Variants in PEX14 observed in about 807,000 individuals in gnomAD.
PEX14 encodes peroxisomal membrane protein PEX14.
PEX14 carries 15 observed loss-of-function variants against 49.5 expected under a neutral mutation model. The observed-to-expected ratio is 0.30, with a 90% CI of 0.20 to 0.47. The LOEUF is 0.47. PEX14 is among the 20% of genes least tolerant of loss of function. The pLI is 1.00. For missense variants in PEX14, 398 were observed against 494.8 expected (o/e 0.80, Z 1.86); for synonymous variants, 210 against 212.7 (o/e 0.99, Z 0.11).
intron 2 of PEX14, among the ~76,000 whole-genome samples, chr1:10,526,958 A>G (rs555220450): frequency 6.6e-6 from 1 of 152,124 alleles, no homozygotes; most frequent in African/African-American, 2.4e-5. Context: ...CACACCTGTA[A>G]ATCCCAGCAC....
chr1:10,615,040 G>A lies in PEX14; in HGVS notation c.299-3292G>A, dbSNP rs284240. 1.1e-4 allele frequency among the ~76,000 whole-genome samples: 17 copies of A among 152,270 alleles called. No homozygotes were observed. The South Asian group carries it at 1.2e-3, about 11-fold the overall frequency. ...TGTATAACGAGAGGTGATTTGTGTC[G>A]GGTGGGGGTGTCCACCATCAGTGAA... is the stretch of plus-strand genomic sequence containing the variant. On this transcript the variant is annotated intron_variant, in intron 4 of 8. Transcript: ENST00000356607.
chr1:10,610,112 G>A (rs920685741), intron 4 of PEX14, among the ~76,000 whole-genome samples: 2 of 147,584 alleles, frequency 1.4e-5, no homozygotes, highest in Non-Finnish European at 3.0e-5. Flanking sequence ...GTAAATATAT[G>A]TAATATATAT....
At chr1:10,576,472 AT>A (rs1476769331) in intron 3 of PEX14, among the ~76,000 whole-genome samples, 1 of 152,204 alleles carries the variant, frequency 6.6e-6, no homozygotes, top group Non-Finnish European at 1.5e-5. Context: ...TGAACCAGTG[AT>A]TTAAATATTC....
rs1171122210 is a variant in PEX14, at chr1:10,539,144, C to T, written c.169+2847C>T. On this transcript the variant is annotated intron_variant, in intron 3 of 8. Transcript: ENST00000356607. The surrounding 1 kb of genome is among the most constrained non-coding windows in gnomAD (Gnocchi z 4.6). Reference sequence around the variant, plus strand: ...CTGGGAGCAGGGGCTGCATCCTGTCCGTGTTACCGACTGGTTAAGTGTTGT... The same window carrying T: ...CTGGGAGCAGGGGCTGCATCCTGTCTGTGTTACCGACTGGTTAAGTGTTGT... Among the ~76,000 whole-genome samples, 1 of 152,072 alleles carries T rather than the reference C, an allele frequency of 6.6e-6. No homozygotes were observed. The highest frequency in any genetic ancestry group is 1.9e-4 in the East Asian group (1 of 5,192).
In PEX14 at chr1:10,514,567, T is replaced by C. The variant is rs982130928; in HGVS notation, c.84+19246T>C. Among the ~76,000 whole-genome samples the C allele has an allele frequency of 5.3e-5, 8 of 152,120 alleles. No homozygotes were observed. The highest frequency in any genetic ancestry group is 1.0e-4 in the Non-Finnish European group (7 of 68,026). On this transcript the variant is annotated intron_variant, in intron 2 of 8. Transcript: ENST00000356607. The surrounding 1 kb of genome is among the most constrained non-coding windows in gnomAD (Gnocchi z 4.4). ...TAAGACGCAACTCAAGGGAAAGCCA[T>C]TGGGGAATGCTCAGTTGGGATTGAA...
intron 3 of PEX14, among the ~76,000 whole-genome samples, chr1:10,537,344 C>CCCCA (rs1553187440): frequency 3.1e-5 from 2 of 64,212 alleles, no homozygotes; most frequent in African/African-American, 5.2e-5. Context: ...TGCCAGCACC[C>CCCCA]CCCCCCCCCG....
At chr1:10,544,268 CT>C (rs1639104389) in intron 3 of PEX14, among the ~76,000 whole-genome samples, 1 of 152,168 alleles carries the variant, frequency 6.6e-6, no homozygotes. Context: ...CAGAGTGGCT[CT>C]TTTCTCCCAT....
chr1:10,551,591 G>A (rs1570252536), intron 3 of PEX14, among the ~76,000 whole-genome samples: 1 of 152,174 alleles, frequency 6.6e-6, no homozygotes, highest in African/African-American at 2.4e-5. Context: ...TACTCTGTTT[G>A]TTTTGGGGAA....
intron 4 of PEX14, among the ~76,000 whole-genome samples, chr1:10,615,001 C>T (rs1005048049): frequency 9.9e-5 from 15 of 152,200 alleles, no homozygotes; most frequent in Admixed American, 3.3e-4. Context: ...TGCCTCAGTG[C>T]TCTTAGAGCT....
chr1:10,504,325 G>T (rs1195905219), intron 2 of PEX14, among the ~76,000 whole-genome samples: 1 of 152,146 alleles, frequency 6.6e-6, no homozygotes, highest in East Asian at 1.9e-4. Context: ...AGATGGGGCC[G>T]ACACTGAGTG....
intron 2 of PEX14, among the ~76,000 whole-genome samples, chr1:10,496,526 A>G (rs116638223): frequency 1.1e-4 from 17 of 152,298 alleles, no homozygotes; most frequent in African/African-American, 3.1e-4. Flanking sequence ...ATTGAACACC[A>G]TAGGCCGCTG....
At chr1:10,614,533 G>A (rs1260055798) in intron 4 of PEX14, among the ~76,000 whole-genome samples, 28 of 152,210 alleles carry the variant, frequency 1.8e-4, no homozygotes, top group Admixed American at 1.8e-3. Context: ...CGTCTGCTCA[G>A]CCTTGACAGC....
chr1:10,480,874 T>A (rs867071476), intron 1 of PEX14, among the ~76,000 whole-genome samples: 4,608 of 149,488 alleles, frequency 0.031, 257 homozygotes, highest in African/African-American at 0.11. Flanking sequence ...TATATATTTT[T>A]TTTTTTGGAA....
At chr1:10,579,251 C>T (rs766794691) in intron 3 of PEX14, among the ~76,000 whole-genome samples, 211 of 151,136 alleles carry the variant, frequency 1.4e-3, no homozygotes, top group Non-Finnish European at 2.1e-3. Flanking sequence ...TTCAAAATGG[C>T]GAAAGAAAAA....
At chr1:10,553,242 T>C (rs1163525885) in intron 3 of PEX14, among the ~76,000 whole-genome samples, 1 of 152,150 alleles carries the variant, frequency 6.6e-6, no homozygotes, top group East Asian at 1.9e-4. Flanking sequence ...GCTGAATGGA[T>C]GCAAGAGTGA....
rs149553547 is a variant in PEX14, at chr1:10,606,700, A to G, written c.298+7334A>G. On this transcript the variant is annotated intron_variant, in intron 4 of 8. Transcript: ENST00000356607. ...TCAAATATTACAGGGTATGTTTTTTAAAGTTGCATTAGAATTCTCAGGTCT... is the reference window on the plus strand; with the variant it reads ...TCAAATATTACAGGGTATGTTTTTTGAAGTTGCATTAGAATTCTCAGGTCT... 5.5e-3 allele frequency among the ~76,000 whole-genome samples: 831 copies of G among 152,322 alleles called. 7 individuals carry two copies. The highest frequency in any genetic ancestry group is 0.019 in the African/African-American group (777 of 41,572).
At chr1:10,589,497 A>G (rs1248446866) in intron 3 of PEX14, among the ~76,000 whole-genome samples, 1 of 151,828 alleles carries the variant, frequency 6.6e-6, no homozygotes, top group African/African-American at 2.4e-5. Flanking sequence ...AGCAATCCCC[A>G]CCTCAGCCTC....
chr1:10,624,459 G>C, intron 7 of PEX14, 22 bp downstream of exon 7: 1 of 1,486,884 alleles, frequency 6.7e-7, no homozygotes, highest in Non-Finnish European at 9.4e-7. Flanking sequence ...TGCTGCACAG[G>C]GCCCTCCAGG....
At chr1:10,625,023 C>T (rs960478904) in intron 7 of PEX14, among the ~76,000 whole-genome samples, 3 of 152,200 alleles carry the variant, frequency 2.0e-5, no homozygotes, top group African/African-American at 7.2e-5. Context: ...CTTCCAGGAT[C>T]AGGCTGAATC....
Sources: allele counts gnomAD v4.1 joint callset (sites outside exome capture counted in the v4.1 genomes callset), GRCh38; gene constraint gnomAD v4.1.1; non-coding constraint Gnocchi (gnomAD v3.1); transcripts MANE v1.5; gene names NCBI Gene and HGNC (gene_info 2026-07-23, HGNC 2026-07-21).